CRISP1: variants seen among roughly 807,000 people sequenced by gnomAD.
CRISP1 encodes the protein cysteine-rich secretory protein 1.
CRISP1 carries 44 observed loss-of-function variants against 33.1 expected under a neutral mutation model. The observed-to-expected ratio is 1.33, with a 90% CI of 1.05 to 1.71. The LOEUF (loss-of-function observed/expected upper bound fraction) is 1.71. CRISP1 is among the 40% of genes most tolerant of loss of function. The pLI is 0.00. For missense variants in CRISP1, 390 were observed against 301.2 expected (o/e 1.29, Z -2.18); for synonymous variants, 103 against 98.7 (o/e 1.04, Z -0.26).
intron 1 of CRISP1, among the ~76,000 whole-genome samples, chr6:49,865,498 T>C (rs1479794961): frequency 6.6e-6 from 1 of 152,202 alleles, no homozygotes; most frequent in Non-Finnish European, 1.5e-5. Context: ...AATTCTCTTG[T>C]CTAATGATTT....
intron 3 of CRISP1, among the ~76,000 whole-genome samples, chr6:49,849,070 C>A (rs1363171320): frequency 6.6e-6 from 1 of 152,082 alleles, no homozygotes; most frequent in Non-Finnish European, 1.5e-5. Flanking sequence ...ATCAACTGTG[C>A]TGAGTTGAAG....
intron 1 of CRISP1, among the ~76,000 whole-genome samples, chr6:49,865,985 G>T (rs1561950863): frequency 6.6e-6 from 1 of 152,084 alleles, no homozygotes; most frequent in Non-Finnish European, 1.5e-5. Flanking sequence ...TAAATGTCTA[G>T]CAACTCCCGA....
intron 5 of CRISP1, among the ~76,000 whole-genome samples, chr6:49,843,923 C>G (rs1315144623): frequency 5.9e-5 from 9 of 152,114 alleles, no homozygotes; most frequent in Non-Finnish European, 1.3e-4. Context: ...GCCTTGTCTT[C>G]TAGTGTTTTG....
rs189558931 is a variant in CRISP1 at position 49,841,265 on chromosome 6, T to C, written c.436-270A>G. ...TTGATGATTGACATTGTCTCTATTT[T>C]TTGTCAGTTTTTCTTTTTGAAAGTA... On this transcript the variant is annotated intron_variant, in intron 5 of 7. Transcript: ENST00000335847. Among the ~76,000 whole-genome samples, 5 of 152,286 alleles carry C rather than the reference T, an allele frequency of 3.3e-5. No individual in the cohort carries two copies. In the East Asian group the frequency reaches 9.7e-4, roughly 29 times the overall value.
chr6:49,877,011 G>A (rs571359609), exon 1 of CRISP1: 1 of 151,984 alleles, frequency 6.6e-6, no homozygotes, highest in Admixed American at 6.6e-5. Context: ...TAACTAACCT[G>A]CACATGTACC....
intron 1 of CRISP1, among the ~76,000 whole-genome samples, chr6:49,861,227 G>A (rs929010094): frequency 1.3e-5 from 2 of 152,046 alleles, no homozygotes; most frequent in Admixed American, 6.6e-5. Flanking sequence ...AAGTAAAGTT[G>A]CCCTAATTCA....
At chr6:49,862,327 G>T (rs1221781293) in intron 1 of CRISP1, among the ~76,000 whole-genome samples, 1 of 151,948 alleles carries the variant, frequency 6.6e-6, no homozygotes, top group East Asian at 1.9e-4. Flanking sequence ...GAAAGAAATT[G>T]AAAAGGACAC....
intron 7 of CRISP1, among the ~76,000 whole-genome samples, chr6:49,836,429 G>A (rs1207541859): frequency 2.0e-5 from 3 of 150,756 alleles, no homozygotes; most frequent in South Asian, 2.1e-4. Context: ...TCTGCCTCCC[G>A]GGTTCACGCC....
At chr6:49,867,365 A>T (rs1028095874), upstream of CRISP1, among the ~76,000 whole-genome samples, 8 of 152,082 alleles carry the variant, frequency 5.3e-5, no homozygotes, top group African/African-American at 1.9e-4. Context: ...TATTGAAGTC[A>T]TAGCTTGCTG....
chr6:49,868,333 T>A (rs191287332), upstream of CRISP1, among the ~76,000 whole-genome samples: 1 of 152,296 alleles, frequency 6.6e-6, no homozygotes. Flanking sequence ...CTACAATAAC[T>A]TTTTTCCCTA....
At chr6:49,863,380 G>A (rs944559593) in intron 1 of CRISP1, among the ~76,000 whole-genome samples, 2 of 152,250 alleles carry the variant, frequency 1.3e-5, no homozygotes, top group South Asian at 2.1e-4. Context: ...TTACATAGCT[G>A]CTTGAACTTA....
intron 3 of CRISP1, among the ~76,000 whole-genome samples, chr6:49,850,691 T>G (rs1771319483): frequency 6.6e-6 from 1 of 152,194 alleles, no homozygotes; most frequent in Non-Finnish European, 1.5e-5. Context: ...TCTTGATATT[T>G]CATATCTTTT....
chr6:49,871,682 G>C (rs938195511), intron 1 of CRISP1, among the ~76,000 whole-genome samples: 1 of 151,486 alleles, frequency 6.6e-6, no homozygotes, highest in Non-Finnish European at 1.5e-5. Flanking sequence ...AGTTTGCTGA[G>C]AATGATGGTT....
At chr6:49,859,727 G>A (rs943605304) in intron 1 of CRISP1, among the ~76,000 whole-genome samples, 3 of 152,012 alleles carry the variant, frequency 2.0e-5, no homozygotes, top group Non-Finnish European at 2.9e-5. Context: ...CAAAAAATAT[G>A]CAAAACAGCC....
chr6:49,845,528 G>A (rs1309814748), intron 5 of CRISP1, among the ~76,000 whole-genome samples: 2 of 152,148 alleles, frequency 1.3e-5, no homozygotes, highest in Admixed American at 6.6e-5. Flanking sequence ...TGGTGGGAAC[G>A]TAAAATGGTG....
intron 5 of CRISP1, among the ~76,000 whole-genome samples, chr6:49,845,396 A>T (rs970328929): frequency 6.6e-6 from 1 of 152,190 alleles, no homozygotes; most frequent in Admixed American, 6.6e-5. Flanking sequence ...GACTTCTAGG[A>T]TACAAAATGT....
upstream of CRISP1, among the ~76,000 whole-genome samples, chr6:49,867,620 T>C (rs1469898074): frequency 6.6e-6 from 1 of 151,948 alleles, no homozygotes; most frequent in Non-Finnish European, 1.5e-5. Flanking sequence ...TTTCTGGTCT[T>C]GTTAAAGTAT....
At chr6:49,846,407 T>C in intron 5 of CRISP1, 113 bp downstream of exon 5, 1 of 1,102,562 alleles carries the variant, frequency 9.1e-7, no homozygotes, top group African/African-American at 1.6e-5. Flanking sequence ...CTCAGTAAAT[T>C]GAGTAAAGAT....
In CRISP1 at chr6:49,852,067, CTCT is replaced by C. The variant is rs755151900; in HGVS notation, c.126_128del (p.Glu43del). 9.2e-5 allele frequency: 148 copies of C among 1,613,228 alleles called. 1 individual carries two copies. The highest frequency in any genetic ancestry group is 1.2e-4 in the Non-Finnish European group (145 of 1,179,576). ...TGAGGGCGTTGTGTATATTAACGAT[CTCT>C]TCTTGTACATTTGGCAAGTCGGTGA... is the stretch of plus-strand genomic sequence containing the variant. On this transcript the variant is annotated inframe_deletion, in exon 3 of 8. Coordinates refer to ENST00000335847, the MANE Select transcript of CRISP1 (RefSeq NM_001131.3).
Sources: allele counts gnomAD v4.1 joint callset (sites outside exome capture counted in the v4.1 genomes callset), GRCh38; gene constraint gnomAD v4.1.1; transcripts MANE v1.5; gene names NCBI Gene and HGNC (gene_info 2026-07-23, HGNC 2026-07-21).